The following CENPW variants were observed in gnomAD, a reference collection of about 807,000 sequenced individuals.
CENPW encodes the protein cancer-up-regulated gene 2 protein.
Under a neutral mutation model 11.1 loss-of-function variants are expected in CENPW, and 3 were observed. The ratio of observed to expected loss-of-function variants is 0.27; its 90% CI spans 0.12 to 0.70. The LOEUF (loss-of-function observed/expected upper bound fraction) is 0.70. Ranked by LOEUF, CENPW falls within the 30% of genes least tolerant of loss-of-function variation. The probability of loss-of-function intolerance (pLI) is 0.77; values close to 1 mark genes in which losing one functional copy is unlikely to be tolerated. For missense variants in CENPW, 100 were observed against 105.6 expected (o/e 0.95, Z 0.23); for synonymous variants, 38 against 42.0 (o/e 0.91, Z 0.37).
chr6:126,351,967 A>G (rs1197634667), downstream of CENPW, among the ~76,000 whole-genome samples: 2 of 152,106 alleles, frequency 1.3e-5, no homozygotes, highest in African/African-American at 2.4e-5. Context: ...CTAAGCTTCA[A>G]AATCACCTGG....
intron 1 of CENPW, among the ~76,000 whole-genome samples, chr6:126,342,130 A>G (rs1780325035): frequency 1.3e-5 from 2 of 152,194 alleles, no homozygotes; most frequent in Admixed American, 6.5e-5. Context: ...ACCCAGTTCA[A>G]TGAGTTAGCA....
the CENPW span, among the ~76,000 whole-genome samples, chr6:126,439,709 C>T: frequency 6.6e-6 from 1 of 151,572 alleles, no homozygotes; most frequent in Non-Finnish European, 1.5e-5. Context: ...TTGAAATATA[C>T]CTGCTTTAGG....
downstream of CENPW, among the ~76,000 whole-genome samples, chr6:126,351,861 C>T (rs535719910): frequency 1.3e-4 from 19 of 151,932 alleles, 1 homozygote; most frequent in South Asian, 4.0e-3. Flanking sequence ...GTTCTTCTTC[C>T]TCAGTATTTT....
chr6:126,465,393 A>G, the CENPW span, among the ~76,000 whole-genome samples: 6 of 152,144 alleles, frequency 3.9e-5, no homozygotes, highest in Non-Finnish European at 5.9e-5. Context: ...TAATAAATGG[A>G]TAAAATACCT....
the CENPW span, among the ~76,000 whole-genome samples, chr6:126,357,801 G>A: frequency 6.6e-6 from 1 of 151,968 alleles, no homozygotes; most frequent in Non-Finnish European, 1.5e-5. Flanking sequence ...TAGAGACGGG[G>A]TTTCACCATA....
chr6:126,346,488 T>G (rs1780414308), intron 2 of CENPW, among the ~76,000 whole-genome samples, 170 bp downstream of exon 2: 1 of 152,220 alleles, frequency 6.6e-6, no homozygotes, highest in Non-Finnish European at 1.5e-5. Context: ...TCCATATGTA[T>G]ATTATTAATT....
the CENPW span, among the ~76,000 whole-genome samples, chr6:126,386,226 G>A: frequency 1.3e-5 from 2 of 152,120 alleles, no homozygotes; most frequent in East Asian, 3.9e-4. Flanking sequence ...TGGTCAGGTA[G>A]GAAACAAAGG....
chr6:126,472,084 T>C, the CENPW span, among the ~76,000 whole-genome samples: 1 of 152,220 alleles, frequency 6.6e-6, no homozygotes, highest in African/African-American at 2.4e-5. Context: ...TCATAAAGCT[T>C]CAATAATTAT....
At chr6:126,379,409 T>G in the CENPW span, among the ~76,000 whole-genome samples, 1 of 152,188 alleles carries the variant, frequency 6.6e-6, no homozygotes, top group Admixed American at 6.6e-5. Flanking sequence ...AGAGGAAATC[T>G]TACTAATACT....
the CENPW span, among the ~76,000 whole-genome samples, chr6:126,365,165 CTCTT>C: frequency 3.6e-3 from 547 of 152,200 alleles, 1 homozygote; most frequent in Non-Finnish European, 6.3e-3. Context: ...CCTGGCCTAA[CTCTT>C]ACTTCAAATT....
chr6:126,430,659 T>C, the CENPW span, among the ~76,000 whole-genome samples: 1 of 152,104 alleles, frequency 6.6e-6, no homozygotes, highest in African/African-American at 2.4e-5. Context: ...ATAAAGATTA[T>C]TATTGACTCC....
chr6:126,446,750 A>G, the CENPW span, among the ~76,000 whole-genome samples: 9 of 151,382 alleles, frequency 5.9e-5, no homozygotes, highest in South Asian at 2.1e-4. Flanking sequence ...TTAGATATCA[A>G]CATAGATAAA....
chr6:126,366,630 G>A, the CENPW span, among the ~76,000 whole-genome samples: 50 of 152,232 alleles, frequency 3.3e-4, no homozygotes, highest in African/African-American at 1.2e-3. Flanking sequence ...AGGCATGTTT[G>A]TTTACTTAAT....
chr6:126,476,686 C>T, the CENPW span, among the ~76,000 whole-genome samples: 2 of 151,962 alleles, frequency 1.3e-5, no homozygotes, highest in South Asian at 4.1e-4. Flanking sequence ...CTTAAAATAT[C>T]TCAGTATGAG....
chr6:126,367,555 G>A, the CENPW span, among the ~76,000 whole-genome samples: 1 of 152,156 alleles, frequency 6.6e-6, no homozygotes, highest in Non-Finnish European at 1.5e-5. Flanking sequence ...AACCTTAAGA[G>A]TAACTCCAGA....
downstream of CENPW, among the ~76,000 whole-genome samples, chr6:126,352,138 T>C (rs1326069192): frequency 6.6e-6 from 1 of 152,158 alleles, no homozygotes; most frequent in Non-Finnish European, 1.5e-5. Flanking sequence ...GGCAATATTT[T>C]TGTAAATAAA....
the CENPW span, among the ~76,000 whole-genome samples, chr6:126,444,975 G>T: frequency 1.3e-5 from 2 of 150,932 alleles, no homozygotes; most frequent in African/African-American, 4.9e-5. Flanking sequence ...TTCCTCCAAG[G>T]CATTTCTTCT....
chr6:126,463,705 G>A, the CENPW span, among the ~76,000 whole-genome samples: 7 of 152,022 alleles, frequency 4.6e-5, no homozygotes, highest in Non-Finnish European at 1.0e-4. Flanking sequence ...TCAATAAAAT[G>A]GATGCCTGTG....
chr6:126,414,964 A>C, the CENPW span, among the ~76,000 whole-genome samples: 2 of 152,130 alleles, frequency 1.3e-5, no homozygotes, highest in South Asian at 4.1e-4. Flanking sequence ...GGCTATGAAT[A>C]ACCATACAAC....
Sources: gnomAD v4.1 joint callset for allele counts (sites outside exome capture counted in the v4.1 genomes callset) on GRCh38, gnomAD v4.1.1 for gene constraint, MANE v1.5 for transcripts, NCBI Gene and HGNC (gene_info 2026-07-23, HGNC 2026-07-21) for gene names.